Variants in KDM5C observed in about 807,000 individuals in gnomAD.
KDM5C encodes lysine-specific demethylase 5C.
In KDM5C, 16 loss-of-function variants were observed where a neutral mutation model predicts 110.6. The ratio of observed to expected loss-of-function variants is 0.14; its 90% CI spans 0.10 to 0.22. The LOEUF (loss-of-function observed/expected upper bound fraction) is 0.22, where lower values mean the gene tolerates loss of function less well. KDM5C is among the 10% of genes least tolerant of loss of function. KDM5C has a pLI of 1.00. For synonymous variants in KDM5C, 511 were observed against 520.4 expected, an observed-to-expected ratio of 0.98 and a Z score of 0.24; for missense variants, 681 against 1,300.9, an observed-to-expected ratio of 0.52 and a Z score of 7.33.
chrX:53,201,458 G>A (rs1320670350), intron 14 of KDM5C, 92 bp downstream of exon 14: 28 of 859,668 alleles, frequency 3.3e-5, no homozygotes, highest in Admixed American at 6.7e-5. Context: ...TTCACTATAC[G>A]CCAAGAGTAG....
At chrX:53,224,664 G>C (rs1305895052) in intron 1 of KDM5C, 76 bp downstream of exon 1, 3 of 1,149,705 alleles carry the variant, frequency 2.6e-6, no homozygotes, top group Non-Finnish European at 3.6e-6. Flanking sequence ...GCTGCCCTCC[G>C]CCCCAGACTT....
chrX:53,186,329 G>A (rs1230665399), downstream of KDM5C, among the ~76,000 whole-genome samples: 2 of 111,707 alleles, frequency 1.8e-5, no homozygotes, highest in African/African-American at 6.5e-5. Flanking sequence ...GGAGTCCCAG[G>A]AGCAGAGAAA....
downstream of KDM5C, among the ~76,000 whole-genome samples, chrX:53,186,752 G>A (rs782671575): frequency 8.9e-6 from 1 of 112,644 alleles, no homozygotes; most frequent in Non-Finnish European, 1.9e-5. Flanking sequence ...CTGAAGGACA[G>A]TGAGAAGGGA....
chrX:53,223,805 G>T (rs2073957747), intron 1 of KDM5C, among the ~76,000 whole-genome samples: 1 of 111,305 alleles, frequency 9.0e-6, no homozygotes, highest in Non-Finnish European at 1.9e-5. Context: ...CTATCCTCTG[G>T]GATCTCCTAC....
chrX:53,193,405 C>A, intron 25 of KDM5C, 32 bp downstream of exon 25: 1 of 1,211,581 alleles, frequency 8.3e-7, no homozygotes, highest in East Asian at 3.0e-5. Flanking sequence ...TCGGCCTGAC[C>A]TCCTGGCCCG....
exon 26 of KDM5C, among the ~76,000 whole-genome samples, chrX:53,176,437 G>A (rs1156796925): frequency 3.6e-5 from 4 of 111,826 alleles, no homozygotes; most frequent in East Asian, 2.8e-4. Context: ...GTTGGTCAAC[G>A]GGCAGCAGGT....
At position 53,194,172 on chromosome X, in the gene KDM5C, G is replaced by A. The variant is rs1934643700; in HGVS notation, c.4005C>T (p.Pro1335=). The change falls in exon 23 of 26, where the codon CCC becomes CCT. Residue 1335 remains proline, a synonymous_variant. Transcript: ENST00000375401. ...TATCCTTGCCACTGCCCTCTCTGAG[G>A]GGGTCAGAAGCAGGGGCTGCAGGGT... The part of the protein sequence containing the change: ...PNYPAAPASD[P]LREGSGKDMP... 1.7e-6 allele frequency: 2 copies of A among 1,207,672 alleles called. No individual in the cohort carries two copies. The highest frequency in any genetic ancestry group is 3.0e-5 in the East Asian group (1 of 33,683).
chrX:53,188,685 T>G (rs1199441211), downstream of KDM5C, among the ~76,000 whole-genome samples: 17 of 111,537 alleles, frequency 1.5e-4, no homozygotes, highest in African/African-American at 4.9e-4. Context: ...GTAACTGACT[T>G]ACTTCTAACG....
In KDM5C at chrX:53,196,033, T is replaced by G; in HGVS notation, c.3003A>C (p.Thr1001=). 1 of 1,211,883 alleles carries G rather than the reference T, an allele frequency of 8.3e-7. No individual in the cohort carries two copies. Among genetic ancestry groups the G allele is most frequent in the South Asian group, 1.8e-5 (1 of 56,958 alleles). Residue 1001 remains threonine (T), a synonymous_variant, in exon 20 of 26, where the codon ACA becomes ACC. Transcript: ENST00000375401. ...CCGCTTCACGGATTATGGCCTCAAG[T>G]GTGGCTGGTGGATGCTTCTGCCTAA... ...LEARQKHPPA[T]LEAIIREAEN...
chrX:53,194,190 T>C lies in KDM5C; in HGVS notation c.3987A>G (p.Ala1329=), dbSNP rs782063281. Residue 1329 remains alanine, a synonymous_variant, in exon 23 of 26, where the codon GCA becomes GCG. Coordinates refer to ENST00000375401, the MANE Select transcript of KDM5C (RefSeq NM_004187.5). ...CTCTGAGGGGGTCAGAAGCAGGGGC[T>C]GCAGGGTAGTTAGGAGGCTCCTCAG... ...PRPEEPPNYP[A]APASDPLREG... 25 of 1,208,912 alleles carry C rather than the reference T, an allele frequency of 2.1e-5. No individual in the cohort carries two copies. In the East Asian group the frequency reaches 3.6e-4, roughly 17 times the overall value.
chrX:53,197,374 T>C (rs1419030006), intron 18 of KDM5C, among the ~76,000 whole-genome samples: 8 of 111,406 alleles, frequency 7.2e-5, no homozygotes, highest in Admixed American at 5.7e-4. Flanking sequence ...CTCCCTGCCC[T>C]AAAAATTGCT....
chrX:53,187,828 C>T (rs1051823280), downstream of KDM5C, among the ~76,000 whole-genome samples: 1 of 108,111 alleles, frequency 9.2e-6, no homozygotes, highest in Non-Finnish European at 1.9e-5. Flanking sequence ...GGCGTGATCT[C>T]GGCTCACTGC....
At chrX:53,192,125 C>A (rs371448711), downstream of KDM5C, 1 of 174,499 alleles carries the variant, frequency 5.7e-6, no homozygotes, top group East Asian at 8.1e-5. Context: ...GCACTGTCTT[C>A]CCCGTCTAAG....
Position 53,196,074 on chromosome X carries a change from G to T in KDM5C, c.2982-20C>A. On this transcript the variant is annotated intron_variant, in intron 19 of 25. Coordinates refer to ENST00000375401, the MANE Select transcript of KDM5C (RefSeq NM_004187.5). ...TTCTGCCTAAAGGTAAGGAAAAAAA[G>T]AACGCTCAGTCTGATGTGGTCTGCC... is the stretch of plus-strand genomic sequence containing the variant. 2 of 1,210,438 alleles carry T rather than the reference G, an allele frequency of 1.7e-6. No homozygotes were observed. The highest frequency in any genetic ancestry group is 2.2e-6 in the Non-Finnish European group (2 of 894,406).
At chrX:53,207,911 G>A (rs1556846486) in intron 12 of KDM5C, among the ~76,000 whole-genome samples, 2 of 100,101 alleles carry the variant, frequency 2.0e-5, no homozygotes, top group South Asian at 4.7e-4. Context: ...ATCGTGAGCC[G>A]AGATCGTGCC....
rs1556848947 is a variant in KDM5C, at chrX:53,211,689, C to T, written c.1243-34G>A. ...AGACAGGTAGCAGATGACTATGGCC[C>T]ATCACACCCTGGACCCACTGATCCA... On this transcript the variant is annotated intron_variant, in intron 9 of 25. Coordinates refer to ENST00000375401, the MANE Select transcript of KDM5C (RefSeq NM_004187.5). The T allele has an allele frequency of 9.1e-6, 11 of 1,208,865 alleles. No homozygotes were observed. The Admixed American group carries it at 1.1e-4, about 12-fold the overall frequency.
chrX:53,205,391 G>A (rs781793528), intron 12 of KDM5C, among the ~76,000 whole-genome samples: 4 of 111,993 alleles, frequency 3.6e-5, no homozygotes, highest in African/African-American at 6.5e-5. Context: ...TCCCACCTCC[G>A]TCATATTTTC....
chrX:53,187,041 G>A (rs1296244984), downstream of KDM5C, among the ~76,000 whole-genome samples: 2 of 112,053 alleles, frequency 1.8e-5, no homozygotes, highest in Non-Finnish European at 3.8e-5. Flanking sequence ...GTTCTGTGAT[G>A]TCAGTCAGCC....
chrX:53,192,956 C>A lies in KDM5C; in HGVS notation c.*11G>T, dbSNP rs1197454076. The A allele has an allele frequency of 1.8e-6, 2 of 1,100,662 alleles. No individual in the cohort carries two copies. The highest frequency in any genetic ancestry group is 2.4e-6 in the Non-Finnish European group (2 of 835,245). 90.7% of individuals were successfully genotyped at this position (1,100,662 alleles called of 1,213,427 possible). On this transcript the variant is annotated 3_prime_UTR_variant, in exon 26 of 26. Coordinates refer to ENST00000375401, the MANE Select transcript of KDM5C (RefSeq NM_004187.5). Reference sequence around the variant, plus strand: ...GGTCTCTGTCAGGGTCTGTGCTAGGCTCAGCCACTGTCACAACTGTTGCTG... The same window carrying A: ...GGTCTCTGTCAGGGTCTGTGCTAGGATCAGCCACTGTCACAACTGTTGCTG...
Sources: allele counts gnomAD v4.1 joint callset (sites outside exome capture counted in the v4.1 genomes callset), GRCh38; gene constraint gnomAD v4.1.1; transcripts MANE v1.5; gene names NCBI Gene and HGNC (gene_info 2026-07-23, HGNC 2026-07-21).